The following RAD52 variants were observed in gnomAD, a reference collection of about 807,000 sequenced individuals.
RAD52 encodes RAD52 DNA repair protein, also known as DNA repair protein RAD52 homolog.
In RAD52, 47 loss-of-function variants were observed where a neutral mutation model predicts 55.5. The ratio of observed to expected loss-of-function variants is 0.85; its 90% CI spans 0.67 to 1.08. The LOEUF is 1.08. Among genes scored for constraint, RAD52 ranks in the 50% least tolerant of loss-of-function variants. RAD52 has a pLI of 0.00. For missense variants in RAD52, 468 were observed against 522.8 expected (o/e 0.90, Z 1.02); for synonymous variants, 184 against 198.9 (o/e 0.92, Z 0.63).
At chr12:968,129 C>T (rs1329908852) in intron 1 of RAD52, among the ~76,000 whole-genome samples, 1 of 152,086 alleles carries the variant, frequency 6.6e-6, no homozygotes, top group Non-Finnish European at 1.5e-5. Flanking sequence ...ATTCTTTCCT[C>T]CATAAAAGCA....
At chr12:957,384 G>C (rs11064616) in intron 1 of RAD52, among the ~76,000 whole-genome samples, 2 of 146,252 alleles carry the variant, frequency 1.4e-5, no homozygotes, top group African/African-American at 5.0e-5. Context: ...AATCGCTTAA[G>C]CCCGGGAGGC....
Position 929,855 on chromosome 12 carries a change from G to GT in RAD52, c.311dup (p.Tyr104Ter). Residue 104 changes from tyrosine (Y) to a stop codon, truncating the protein, a stop_gained and frameshift_variant, in exon 5 of 12, where the codon TAC (tyrosine) becomes TAAC (stop). Transcript: ENST00000358495. LOFTEE classifies it high-confidence loss of function. Reference sequence around the variant, plus strand: ...CCCTCACAAATGCACAGACTCCCACGTAGAACTTGCCATTGTTGAGGTCAA... The same window carrying GT: ...CCCTCACAAATGCACAGACTCCCACGTTAGAACTTGCCATTGTTGAGGTCAA... ...DFVDLNNGKF[Y>*]VGVCAFVRVQ... 6.2e-7 allele frequency: 1 copy of GT among 1,613,982 alleles called. No individual in the cohort carries two copies. Among genetic ancestry groups the GT allele is most frequent in the South Asian group, 1.1e-5 (1 of 91,088 alleles).
At chr12:978,511 T>C (rs1958964480) in intron 1 of RAD52, among the ~76,000 whole-genome samples, 1 of 152,180 alleles carries the variant, frequency 6.6e-6, no homozygotes, top group Non-Finnish European at 1.5e-5. Flanking sequence ...CTTAAAAATA[T>C]ATAAACTGGC....
At chr12:949,901 T>C (rs183863115), upstream of RAD52, among the ~76,000 whole-genome samples, 549 of 152,302 alleles carry the variant, frequency 3.6e-3, 8 homozygotes, top group African/African-American at 0.012. Flanking sequence ...GCCGCTTCCC[T>C]GCGCGCCCTC....
At chr12:972,975 CAT>C (rs1958884568) in intron 1 of RAD52, among the ~76,000 whole-genome samples, 1 of 149,426 alleles carries the variant, frequency 6.7e-6, no homozygotes, top group Non-Finnish European at 1.5e-5. Context: ...GACTGGAAGT[CAT>C]TGGAGAATTT....
At chr12:968,148 A>G (rs1279697327) in intron 1 of RAD52, among the ~76,000 whole-genome samples, 3 of 152,162 alleles carry the variant, frequency 2.0e-5, no homozygotes, top group Non-Finnish European at 2.9e-5. Flanking sequence ...CAAGTACAAA[A>G]CTGACAAAAA....
chr12:912,729 A>AAAAAC lies in RAD52; in HGVS notation c.*661_*662insGTTTT. ...CACAGCCAGACCCCGTCTCAAAAAA[A>AAAAAC]AAAAAAAAAAAAAAAACAAAAAACA... On this transcript the variant is annotated 3_prime_UTR_variant, in exon 12 of 12. Coordinates refer to ENST00000358495, the MANE Select transcript of RAD52 (RefSeq NM_134424.4). 1 of 144,956 alleles carries AAAAAC rather than the reference A, an allele frequency of 6.9e-6. No homozygotes were observed. The highest frequency in any genetic ancestry group is 1.5e-5 in the Non-Finnish European group (1 of 67,074). The allele number at this position is 144,956 out of a possible 1,614,324, so 9.0% of individuals were successfully genotyped here. A position where few individuals can be genotyped will look rare whatever the true frequency, so the allele number is the denominator to read the frequency against.
At chr12:969,952 A>G (rs1285010323) in intron 1 of RAD52, among the ~76,000 whole-genome samples, 2 of 151,984 alleles carry the variant, frequency 1.3e-5, no homozygotes, top group Non-Finnish European at 2.9e-5. Context: ...TGTTCTGTTG[A>G]CAGACTTTGC....
chr12:986,478 T>C (rs1959087270), intron 1 of RAD52, among the ~76,000 whole-genome samples: 1 of 151,984 alleles, frequency 6.6e-6, no homozygotes, highest in South Asian at 2.1e-4. Context: ...CCTCCTGCCT[T>C]AGCCTCCCAA....
At chr12:955,693 C>A in intron 1 of RAD52, among the ~76,000 whole-genome samples, 1 of 152,124 alleles carries the variant, frequency 6.6e-6, no homozygotes, top group South Asian at 2.1e-4. Context: ...AGGCTGGTCT[C>A]GAGCTCCTGA....
At chr12:937,588 G>A (rs929847781) in intron 1 of RAD52, among the ~76,000 whole-genome samples, 4 of 152,048 alleles carry the variant, frequency 2.6e-5, no homozygotes, top group African/African-American at 9.7e-5. Context: ...ACCACGCCTG[G>A]CTAATTTTTG....
rs1262447681 is a variant in RAD52 at position 913,550 on chromosome 12, T to A, written c.1196-98A>T. 8.9e-6 allele frequency: 9 copies of A among 1,006,424 alleles called. No homozygotes were observed. In the East Asian group the frequency reaches 2.1e-4, roughly 24 times the overall value. The allele number at this position is 1,006,424 out of a possible 1,614,324, so 62.3% of individuals were successfully genotyped here. ...TTATATTAATGATCCTAATTTAGACTAAGCCCAAGAATGAGAATTACTGTT... is the reference window on the plus strand; with the variant it reads ...TTATATTAATGATCCTAATTTAGACAAAGCCCAAGAATGAGAATTACTGTT... On this transcript the variant is annotated intron_variant, in intron 11 of 11. Transcript: ENST00000358495.
chr12:981,362 A>G (rs570099175), intron 1 of RAD52, among the ~76,000 whole-genome samples: 1 of 151,964 alleles, frequency 6.6e-6, no homozygotes, highest in African/African-American at 2.4e-5. Flanking sequence ...CCACCACCAC[A>G]ACAATAATAA....
intron 7 of RAD52, among the ~76,000 whole-genome samples, chr12:918,092 C>T (rs1170830322): frequency 2.6e-5 from 4 of 152,168 alleles, no homozygotes; most frequent in Admixed American, 6.5e-5. Flanking sequence ...AAACTAAACA[C>T]GTACCTATCT....
chr12:973,362 C>T (rs990642253), intron 1 of RAD52, among the ~76,000 whole-genome samples: 1 of 152,164 alleles, frequency 6.6e-6, no homozygotes, highest in African/African-American at 2.4e-5. Flanking sequence ...AGCCACCACA[C>T]CTGGCCAGAA....
At chr12:968,996 A>G (rs1958805993) in intron 1 of RAD52, among the ~76,000 whole-genome samples, 1 of 152,134 alleles carries the variant, frequency 6.6e-6, no homozygotes, top group Non-Finnish European at 1.5e-5. Flanking sequence ...TATTTGGACA[A>G]GAAAATGGAT....
At chr12:954,065 T>A (rs867179452), upstream of RAD52, among the ~76,000 whole-genome samples, 6 of 152,312 alleles carry the variant, frequency 3.9e-5, no homozygotes, top group South Asian at 4.1e-4. Context: ...TTATCTTTTT[T>A]AAAAAAATTA....
Position 912,902 on chromosome 12 carries a change from C to T in RAD52, c.*489G>A, listed in dbSNP as rs1378141305. The T allele has an allele frequency of 5.1e-6, 1 of 197,628 alleles. No individual in the cohort carries two copies. The highest frequency in any genetic ancestry group is 8.0e-5 in the East Asian group (1 of 12,566). 12.2% of individuals were successfully genotyped at this position (197,628 alleles called of 1,614,324 possible). A position where few individuals can be genotyped will look rare whatever the true frequency, so the allele number is the denominator to read the frequency against. The stretch of plus-strand genomic sequence containing the variant: ...TGGATTGATACAAAGTAGTGAAAAG[C>T]ACTGCTCCAACCTTTTTCCTGTCGT... On this transcript the variant is annotated 3_prime_UTR_variant, in exon 12 of 12. Coordinates refer to ENST00000358495, the MANE Select transcript of RAD52 (RefSeq NM_134424.4).
intron 1 of RAD52, among the ~76,000 whole-genome samples, chr12:962,958 C>T (rs540971447): frequency 8.7e-4 from 133 of 152,180 alleles, no homozygotes; most frequent in African/African-American, 3.0e-3. Context: ...TGCCATGTTG[C>T]CCAGGATAGT....
Sources: allele counts gnomAD v4.1 joint callset (sites outside exome capture counted in the v4.1 genomes callset), GRCh38; gene constraint gnomAD v4.1.1; transcripts MANE v1.5; gene names NCBI Gene and HGNC (gene_info 2026-07-23, HGNC 2026-07-21).